NCOA2: variants seen among roughly 807,000 people sequenced by gnomAD.
The protein encoded by NCOA2 is class E basic helix-loop-helix protein 75.
NCOA2 carries 21 observed loss-of-function variants against 145.1 expected under a neutral mutation model. The observed-to-expected ratio is 0.14, with a 90% CI of 0.10 to 0.21. The LOEUF (loss-of-function observed/expected upper bound fraction) is 0.21. Among genes scored for constraint, NCOA2 ranks in the 10% least tolerant of loss-of-function variants. The probability of loss-of-function intolerance (pLI) is 1.00; values close to 1 mark genes in which losing one functional copy is unlikely to be tolerated. For synonymous variants in NCOA2, 619 were observed against 637.5 expected (o/e 0.97, Z 0.44); for missense variants, 1,472 against 1,837.6 (o/e 0.80, Z 3.64).
Position 70,257,634 on chromosome 8 carries a change from C to A in NCOA2, c.-20+39110G>T, listed in dbSNP as rs185813696. Among the ~76,000 whole-genome samples the A allele has an allele frequency of 1.4e-3, 208 of 152,308 alleles. 2 individuals carry two copies. The highest frequency in any genetic ancestry group is 2.7e-3 in the Non-Finnish European group (181 of 68,018). Reference sequence around the variant, plus strand: ...TAAGGCAGCACGCCTCACATCGCTACTGCCAAAACCACCCCCGCCCCTTTC... The same window carrying A: ...TAAGGCAGCACGCCTCACATCGCTAATGCCAAAACCACCCCCGCCCCTTTC... On this transcript the variant is annotated intron_variant, in intron 2 of 22. Coordinates refer to ENST00000452400, the MANE Select transcript of NCOA2 (RefSeq NM_006540.4).
chr8:70,141,346 G>A lies in NCOA2; in HGVS notation c.2866C>T (p.Pro956Ser). Residue 956 changes from proline (P) to serine (S), a missense_variant, in exon 14 of 23, where the codon CCG becomes TCG. Physicochemically the swap from Pro to Ser is moderately conservative, Grantham distance 74. This residue lies in a region of NCOA2 where 953 missense variants were observed against 1,062.1 expected (regional missense o/e 0.90). Transcript: ENST00000452400. ...GTGACTCTCACAGCCGAACTCTGCGGTGCCCATTCTCCAGATGGCATAGTA... is the reference window on the plus strand; with the variant it reads ...GTGACTCTCACAGCCGAACTCTGCGATGCCCATTCTCCAGATGGCATAGTA... Reference protein sequence around the residue: ...RPTMPSGEWAPQSSAVRVTCA... With the variant: ...RPTMPSGEWASQSSAVRVTCA... The A allele has an allele frequency of 6.2e-7, 1 of 1,613,954 alleles. No homozygotes were observed. The highest frequency in any genetic ancestry group is 8.5e-7 in the Non-Finnish European group (1 of 1,179,886).
intron 2 of NCOA2, among the ~76,000 whole-genome samples, chr8:70,282,238 G>C (rs189851079): frequency 1.8e-4 from 28 of 152,224 alleles, no homozygotes; most frequent in Admixed American, 1.7e-3. Flanking sequence ...TATCCAACTA[G>C]ATGTATACAG....
intron 1 of NCOA2, among the ~76,000 whole-genome samples, chr8:70,335,465 T>C (rs1294751501): frequency 1.3e-5 from 2 of 152,122 alleles, no homozygotes; most frequent in Non-Finnish European, 2.9e-5. Flanking sequence ...ATAACAAAAA[T>C]TTGCCATGAT....
At chr8:70,351,064 T>C (rs1022310602) in intron 1 of NCOA2, among the ~76,000 whole-genome samples, 6 of 152,206 alleles carry the variant, frequency 3.9e-5, no homozygotes, top group East Asian at 3.8e-4. Context: ...TAAGTACCCA[T>C]TGTTGCAATA....
At chr8:70,379,083 C>G (rs953457336) in intron 1 of NCOA2, among the ~76,000 whole-genome samples, 4 of 151,636 alleles carry the variant, frequency 2.6e-5, no homozygotes, top group Non-Finnish European at 5.9e-5. Context: ...GAAGTCTATC[C>G]CAAGATAAAT....
chr8:70,357,187 T>C (rs1224453438), intron 1 of NCOA2, among the ~76,000 whole-genome samples: 1 of 151,824 alleles, frequency 6.6e-6, no homozygotes, highest in Non-Finnish European at 1.5e-5. Flanking sequence ...GGGTGCAAAA[T>C]CAACACACAA....
At chr8:70,217,240 A>G (rs188102890) in intron 2 of NCOA2, among the ~76,000 whole-genome samples, 1 of 152,276 alleles carries the variant, frequency 6.6e-6, no homozygotes, top group East Asian at 1.9e-4. Flanking sequence ...CAGGACACGA[A>G]ATTGAAGGTT....
intron 7 of NCOA2, among the ~76,000 whole-genome samples, chr8:70,164,815 C>T (rs780109859): frequency 1.6e-4 from 24 of 151,546 alleles, no homozygotes; most frequent in Admixed American, 3.3e-4. Context: ...TTGGGCACTA[C>T]GAGATAAACA....
At chr8:70,383,268 C>T (rs1812374220) in intron 1 of NCOA2, among the ~76,000 whole-genome samples, 1 of 152,188 alleles carries the variant, frequency 6.6e-6, no homozygotes, top group South Asian at 2.1e-4. Flanking sequence ...GAGGAAAACA[C>T]CTCACCAAGG....
chr8:70,208,372 A>G (rs1214265334), intron 4 of NCOA2, among the ~76,000 whole-genome samples: 1 of 152,236 alleles, frequency 6.6e-6, no homozygotes, highest in Non-Finnish European at 1.5e-5. Context: ...CCTCCATAAT[A>G]TAAAAATATA....
At position 70,377,759 on chromosome 8, in the gene NCOA2, A is replaced by G. The variant is rs115850763; in HGVS notation, c.-77+25941T>C. Among the ~76,000 whole-genome samples the G allele has an allele frequency of 7.6e-3, 1,164 of 152,300 alleles. 15 individuals are homozygous for G. The highest frequency in any genetic ancestry group is 0.026 in the African/African-American group (1,071 of 41,544). ...TTAGATAAAAAGTAAAAACACATTA[A>G]TTGAGCACCAAAAATGTGACAGTTC... is the stretch of plus-strand genomic sequence containing the variant. On this transcript the variant is annotated intron_variant, in intron 1 of 22. Transcript: ENST00000452400.
At chr8:70,390,581 T>C (rs576845613) in intron 1 of NCOA2, among the ~76,000 whole-genome samples, 2 of 149,700 alleles carry the variant, frequency 1.3e-5, no homozygotes, top group East Asian at 3.9e-4. Context: ...CTGGGCAACA[T>C]AGCAAGCCCT....
At chr8:70,177,224 G>T (rs1266040423) in intron 4 of NCOA2, among the ~76,000 whole-genome samples, 1 of 152,156 alleles carries the variant, frequency 6.6e-6, no homozygotes, top group Non-Finnish European at 1.5e-5. Flanking sequence ...ATGTGCAGTG[G>T]GAACACACAG....
At chr8:70,415,307 T>A in the NCOA2 span, among the ~76,000 whole-genome samples, 1 of 139,900 alleles carries the variant, frequency 7.1e-6, no homozygotes, top group Non-Finnish European at 1.5e-5. Flanking sequence ...CCAGCCCGGG[T>A]GACAGAGCAA....
intron 2 of NCOA2, among the ~76,000 whole-genome samples, chr8:70,264,015 C>A (rs2135123704): frequency 1.3e-5 from 2 of 152,158 alleles, no homozygotes; most frequent in South Asian, 4.2e-4. Flanking sequence ...GAGTTTGAGA[C>A]CAGCCCGACC....
intron 12 of NCOA2, among the ~76,000 whole-genome samples, chr8:70,145,602 T>G (rs1810967090): frequency 6.6e-6 from 1 of 151,462 alleles, no homozygotes; most frequent in Admixed American, 6.6e-5. Flanking sequence ...ATTACAGGCC[T>G]GAGCCACTGT....
chr8:70,275,647 GAAT>G (rs1205325316), intron 2 of NCOA2, among the ~76,000 whole-genome samples: 2 of 152,026 alleles, frequency 1.3e-5, no homozygotes, highest in African/African-American at 4.8e-5. Flanking sequence ...AAAAAATTTT[GAAT>G]TAATGTTTCT....
the NCOA2 span, among the ~76,000 whole-genome samples, chr8:70,451,217 CAAAAAAAAAA>C: frequency 6.1e-5 from 4 of 65,334 alleles, no homozygotes; most frequent in East Asian, 4.6e-4. Flanking sequence ...GACTCCGTCT[CAAAAAAAAAA>C]AAAAAAAAAA....
At chr8:70,343,101 A>G (rs1204870925) in intron 1 of NCOA2, among the ~76,000 whole-genome samples, 1 of 152,230 alleles carries the variant, frequency 6.6e-6, no homozygotes, top group Non-Finnish European at 1.5e-5. Flanking sequence ...TTGCAAATAC[A>G]TTAGCAAGTG....
Sources: allele counts gnomAD v4.1 joint callset (sites outside exome capture counted in the v4.1 genomes callset), GRCh38; gene constraint gnomAD v4.1.1; regional missense constraint gnomAD v4.1.1; transcripts MANE v1.5; gene names NCBI Gene and HGNC (gene_info 2026-07-23, HGNC 2026-07-21).